CAMK1D: variants seen among roughly 807,000 people sequenced by gnomAD.
CAMK1D encodes calcium/calmodulin dependent protein kinase ID.
In CAMK1D, 9 loss-of-function variants were observed where a neutral mutation model predicts 47.7. The observed-to-expected ratio is 0.19, with a 90% CI of 0.11 to 0.33. The LOEUF (loss-of-function observed/expected upper bound fraction) is 0.33. CAMK1D is among the 10% of genes least tolerant of loss of function. CAMK1D has a pLI of 1.00. For synonymous variants in CAMK1D, 184 were observed against 184.9 expected (o/e 0.99, Z 0.04); for missense variants, 291 against 488.7 (o/e 0.60, Z 3.81).
intron 5 of CAMK1D, among the ~76,000 whole-genome samples, chr10:12,789,871 C>T (rs1430452287): frequency 6.6e-6 from 1 of 152,262 alleles, no homozygotes; most frequent in Admixed American, 6.5e-5. Context: ...GTGCTAAAGA[C>T]ACTGCCATCA....
chr10:12,673,915 C>T (rs921041593), intron 3 of CAMK1D, among the ~76,000 whole-genome samples: 2 of 152,120 alleles, frequency 1.3e-5, no homozygotes, highest in African/African-American at 4.8e-5. Flanking sequence ...GTGGTTTACG[C>T]TCCTGAGAAT....
chr10:12,774,461 G>C (rs1837185540), intron 5 of CAMK1D, among the ~76,000 whole-genome samples: 1 of 152,108 alleles, frequency 6.6e-6, no homozygotes, highest in South Asian at 2.1e-4. Flanking sequence ...AGAGGAATAG[G>C]AGAGACAGTC....
At chr10:12,828,549 G>A (rs1230466485) in intron 10 of CAMK1D, among the ~76,000 whole-genome samples, 6 of 151,982 alleles carry the variant, frequency 3.9e-5, no homozygotes, top group South Asian at 2.1e-4. Flanking sequence ...GCTGAAGCAC[G>A]AGAATCGCTT....
chr10:12,555,701 GGTGGGCCCAGAGCCTTCCA>G, intron 2 of CAMK1D, among the ~76,000 whole-genome samples: 1 of 152,188 alleles, frequency 6.6e-6, no homozygotes, highest in Non-Finnish European at 1.5e-5. Context: ...TTGAATTCTG[GGTGGGCCCAGAGCCTTCCA>G]AAGGTTTTAC....
chr10:12,567,329 A>G (rs1394182751), intron 2 of CAMK1D, among the ~76,000 whole-genome samples: 1 of 152,152 alleles, frequency 6.6e-6, no homozygotes, highest in Non-Finnish European at 1.5e-5. Context: ...CTAGAAACAA[A>G]GGGAGGCAGC....
intron 1 of CAMK1D, among the ~76,000 whole-genome samples, chr10:12,537,076 T>G (rs1214191033): frequency 6.6e-6 from 1 of 151,986 alleles, no homozygotes; most frequent in Non-Finnish European, 1.5e-5. Flanking sequence ...CACTTTTTCT[T>G]CTTCTTTTTT....
chr10:12,479,532 G>C (rs1451893458), intron 1 of CAMK1D, among the ~76,000 whole-genome samples: 1 of 152,174 alleles, frequency 6.6e-6, no homozygotes, highest in Non-Finnish European at 1.5e-5. Flanking sequence ...CAGCAGTGCT[G>C]CTGCTGCCGC....
chr10:12,515,110 C>G (rs945001186), intron 1 of CAMK1D, among the ~76,000 whole-genome samples: 3 of 151,956 alleles, frequency 2.0e-5, no homozygotes, highest in East Asian at 1.9e-4. Context: ...TGATCCACCC[C>G]CCTTGGCCTC....
intron 1 of CAMK1D, among the ~76,000 whole-genome samples, chr10:12,438,919 A>T (rs1832706147): frequency 6.6e-6 from 1 of 152,162 alleles, no homozygotes; most frequent in African/African-American, 2.4e-5. Context: ...TGTTACTTTA[A>T]TTTTTTAAGA....
chr10:12,515,142 A>G (rs1434642565), intron 1 of CAMK1D, among the ~76,000 whole-genome samples: 4 of 151,966 alleles, frequency 2.6e-5, no homozygotes, highest in African/African-American at 4.8e-5. Context: ...GGATTACAGC[A>G]TGAGCCACCA....
chr10:12,669,735 T>C (rs4747995), intron 3 of CAMK1D, among the ~76,000 whole-genome samples: 135,391 of 152,124 alleles, frequency 0.89, 60,379 homozygotes, highest in Middle Eastern at 0.93. Context: ...ACTTTACTTA[T>C]GAGAGATTAT....
chr10:12,496,111 C>T lies in CAMK1D; in HGVS notation c.93-57114C>T, dbSNP rs191267496. On this transcript the variant is annotated intron_variant, in intron 1 of 10. Coordinates refer to ENST00000619168, the MANE Select transcript of CAMK1D (RefSeq NM_153498.4). ...CCCAAAGTGCTGGGAGTTAGCCCAC[C>T]GTGCCCAGCCTATGTGTGTGTTTTC... Among the ~76,000 whole-genome samples, 95 of 152,180 alleles carry T rather than the reference C, an allele frequency of 6.2e-4. 1 individual carries two copies. The highest frequency in any genetic ancestry group is 2.1e-3 in the African/African-American group (87 of 41,522).
intron 2 of CAMK1D, among the ~76,000 whole-genome samples, chr10:12,659,559 A>G (rs554633091): frequency 1.2e-4 from 18 of 152,206 alleles, no homozygotes; most frequent in Non-Finnish European, 2.2e-4. Context: ...GTGACTGACA[A>G]TATCCCAATT....
At chr10:12,452,857 G>A (rs769373478) in intron 1 of CAMK1D, among the ~76,000 whole-genome samples, 21 of 151,956 alleles carry the variant, frequency 1.4e-4, no homozygotes, top group Middle Eastern at 3.2e-3. Flanking sequence ...ATGAGCCACC[G>A]CGCCTGGCCC....
At chr10:12,377,865 A>C (rs1838228351) in intron 1 of CAMK1D, among the ~76,000 whole-genome samples, 1 of 152,240 alleles carries the variant, frequency 6.6e-6, no homozygotes, top group Non-Finnish European at 1.5e-5. Context: ...ATTTATGTGC[A>C]AGATGACCTT....
chr10:12,551,256 G>A (rs376703339), intron 1 of CAMK1D, among the ~76,000 whole-genome samples: 25 of 152,272 alleles, frequency 1.6e-4, no homozygotes, highest in African/African-American at 5.8e-4. Flanking sequence ...TCATAGGAGC[G>A]TGAGCCCTAT....
chr10:12,601,846 G>T lies in CAMK1D; in HGVS notation c.224+48490G>T, dbSNP rs140815236. On this transcript the variant is annotated intron_variant, in intron 2 of 10. Coordinates refer to ENST00000619168, the MANE Select transcript of CAMK1D (RefSeq NM_153498.4). ...TCTTCTCCCCTGCAGAATCGTCTTA[G>T]CCTCGGTAGCTCGTTTCAGCTCAGC... is the stretch of plus-strand genomic sequence containing the variant. 3.2e-4 allele frequency among the ~76,000 whole-genome samples: 48 copies of T among 152,336 alleles called. No homozygotes were observed. The East Asian group carries it at 9.1e-3, about 29-fold the overall frequency.
At chr10:12,440,530 C>T (rs949855221) in intron 1 of CAMK1D, among the ~76,000 whole-genome samples, 7 of 152,120 alleles carry the variant, frequency 4.6e-5, no homozygotes, top group African/African-American at 1.2e-4. Flanking sequence ...TCAGGTGATC[C>T]GCCCACCTCG....
intron 5 of CAMK1D, among the ~76,000 whole-genome samples, chr10:12,782,924 T>C (rs1175096225): frequency 6.6e-6 from 1 of 152,206 alleles, no homozygotes; most frequent in Non-Finnish European, 1.5e-5. Flanking sequence ...TGTCCTCTGA[T>C]TCCATGCTGG....
Sources: gnomAD v4.1 joint callset for allele counts (sites outside exome capture counted in the v4.1 genomes callset) on GRCh38, gnomAD v4.1.1 for gene constraint, MANE v1.5 for transcripts, NCBI Gene and HGNC (gene_info 2026-07-23, HGNC 2026-07-21) for gene names.